Variants in CPEB3 observed in about 807,000 individuals in gnomAD.
The protein encoded by CPEB3 is cytoplasmic polyadenylation element-binding protein 3.
In CPEB3, 20 loss-of-function variants were observed where a neutral mutation model predicts 67.2. The observed-to-expected ratio is 0.30, with a 90% CI of 0.21 to 0.43. CPEB3 has a LOEUF of 0.43. Ranked by LOEUF, CPEB3 falls within the 20% of genes least tolerant of loss-of-function variation. The probability of loss-of-function intolerance (pLI) is 1.00; values close to 1 mark genes in which losing one functional copy is unlikely to be tolerated. For missense variants in CPEB3, 746 were observed against 968.6 expected, an observed-to-expected ratio of 0.77 and a Z score of 3.05; for synonymous variants, 376 against 393.1, an observed-to-expected ratio of 0.96 and a Z score of 0.51.
At chr10:92,164,905 A>T (rs1001025489) in intron 4 of CPEB3, among the ~76,000 whole-genome samples, 1 of 152,126 alleles carries the variant, frequency 6.6e-6, no homozygotes, top group Admixed American at 6.6e-5. Flanking sequence ...CTAACACAAC[A>T]CTATTGTTTT....
chr10:92,176,896 G>A (rs756455857), intron 4 of CPEB3, among the ~76,000 whole-genome samples: 3 of 152,186 alleles, frequency 2.0e-5, no homozygotes, highest in East Asian at 1.9e-4. Context: ...GGCCCAAGAC[G>A]GCTTTGAATG....
At chr10:92,284,420 G>T (rs1369860199) in intron 1 of CPEB3, among the ~76,000 whole-genome samples, 9 of 152,004 alleles carry the variant, frequency 5.9e-5, no homozygotes, top group Admixed American at 5.9e-4. Flanking sequence ...CCTTAAACTG[G>T]CCTACAAAGC....
intron 1 of CPEB3, among the ~76,000 whole-genome samples, chr10:92,278,927 A>AT (rs1459957202): frequency 1.7e-4 from 26 of 151,352 alleles, no homozygotes; most frequent in South Asian, 4.2e-4. Flanking sequence ...AGGTGTTTTT[A>AT]TTATTTTTTT....
chr10:92,217,323 G>A (rs538870646), intron 2 of CPEB3, among the ~76,000 whole-genome samples: 2 of 147,164 alleles, frequency 1.4e-5, no homozygotes, highest in East Asian at 2.0e-4. Context: ...ATGCACTAAT[G>A]ATATAAACCA....
intron 4 of CPEB3, among the ~76,000 whole-genome samples, chr10:92,173,194 C>A (rs1209304701): frequency 2.6e-5 from 4 of 152,170 alleles, no homozygotes; most frequent in African/African-American, 7.2e-5. Context: ...GGGGTGAATG[C>A]TGTAAATGTG....
intron 9 of CPEB3, among the ~76,000 whole-genome samples, chr10:92,066,623 A>C (rs1043303958): frequency 6.6e-6 from 1 of 152,156 alleles, no homozygotes; most frequent in African/African-American, 2.4e-5. Flanking sequence ...TCTTCTTGGC[A>C]TGTGTCATAC....
intron 6 of CPEB3, among the ~76,000 whole-genome samples, chr10:92,116,203 G>A (rs1845017805): frequency 6.7e-6 from 1 of 149,994 alleles, no homozygotes; most frequent in Non-Finnish European, 1.5e-5. Flanking sequence ...GCCACAGGAA[G>A]TAATCACTAT....
intron 9 of CPEB3, among the ~76,000 whole-genome samples, chr10:92,067,234 C>G (rs1657643824): frequency 6.6e-6 from 1 of 152,220 alleles, no homozygotes; most frequent in South Asian, 2.1e-4. Flanking sequence ...GGCGCAGTGG[C>G]ACACGCCTGT....
chr10:92,211,327 A>G (rs1318128084), intron 2 of CPEB3, among the ~76,000 whole-genome samples: 3 of 152,188 alleles, frequency 2.0e-5, no homozygotes, highest in Admixed American at 2.0e-4. Flanking sequence ...TTTGTAAATT[A>G]TAGATTATAT....
chr10:92,066,945 A>T lies in CPEB3; in HGVS notation c.1869+14375T>A, dbSNP rs374233792. On this transcript the variant is annotated intron_variant, in intron 9 of 9. Coordinates refer to ENST00000265997, the MANE Select transcript of CPEB3 (RefSeq NM_014912.5). ...GTGCCTGTAATCCCAGCTACTTGGG[A>T]GGCTGAGGCAGGAGAATTGCTTGAA... Among the ~76,000 whole-genome samples the T allele has an allele frequency of 4.1e-3, 628 of 152,098 alleles. 6 individuals carry two copies. Among genetic ancestry groups the T allele is most frequent in the Non-Finnish European group, 3.4e-3 (232 of 67,956 alleles).
chr10:92,135,708 A>G (rs1846058511), intron 6 of CPEB3, among the ~76,000 whole-genome samples: 1 of 152,234 alleles, frequency 6.6e-6, no homozygotes, highest in African/African-American at 2.4e-5. Flanking sequence ...AGACACATGC[A>G]TACGTATGTT....
At chr10:92,147,604 C>T (rs1846748020) in intron 4 of CPEB3, among the ~76,000 whole-genome samples, 1 of 152,186 alleles carries the variant, frequency 6.6e-6, no homozygotes, top group South Asian at 2.1e-4. Context: ...AAAGGAATCA[C>T]AGTCTGGTGG....
At chr10:92,251,333 CCTTT>C (rs1362685496) in intron 1 of CPEB3, among the ~76,000 whole-genome samples, 7 of 152,054 alleles carry the variant, frequency 4.6e-5, no homozygotes, top group Non-Finnish European at 8.8e-5. Flanking sequence ...TTCATGCTGT[CCTTT>C]CTTAGTTTTC....
intron 4 of CPEB3, among the ~76,000 whole-genome samples, chr10:92,168,396 T>C (rs953728301): frequency 6.6e-6 from 1 of 152,180 alleles, no homozygotes; most frequent in Non-Finnish European, 1.5e-5. Context: ...AAGTATGAGA[T>C]AAAAGAATAA....
At chr10:92,138,125 G>T in intron 6 of CPEB3, 1 of 171,282 alleles carries the variant, frequency 5.8e-6, no homozygotes, top group Admixed American at 5.9e-5. Flanking sequence ...GTTTTGTTCT[G>T]GCTCTCACAG....
intron 4 of CPEB3, among the ~76,000 whole-genome samples, chr10:92,159,926 A>C (rs1847386710): frequency 6.6e-6 from 1 of 151,110 alleles, no homozygotes; most frequent in African/African-American, 2.4e-5. Context: ...CTGTACTACA[A>C]ACCTCAATGA....
At chr10:92,204,836 CTTTTT>C (rs750482213) in intron 2 of CPEB3, among the ~76,000 whole-genome samples, 1,367 of 125,032 alleles carry the variant, frequency 0.011, 18 homozygotes, top group African/African-American at 0.04. Flanking sequence ...ATCTTAACCA[CTTTTT>C]TTTTTTTTTT....
Position 92,239,936 on chromosome 10 carries a change from A to G in CPEB3, c.415T>C (p.Phe139Leu). 6.2e-7 allele frequency: 1 copy of G among 1,613,302 alleles called. No individual in the cohort carries two copies. The highest frequency in any genetic ancestry group is 8.5e-7 in the Non-Finnish European group (1 of 1,179,672). Residue 139 changes from phenylalanine to leucine, a missense_variant, in exon 2 of 10, where the codon TTC becomes CTC. Physicochemically the swap from Phe to Leu is conservative, Grantham distance 22 (BLOSUM62 0). Around this residue, in one of 2 missense-constraint regions of CPEB3, gnomAD observed 643 missense variants for 717.5 expected, o/e 0.90. Coordinates refer to ENST00000265997, the MANE Select transcript of CPEB3 (RefSeq NM_014912.5). The surrounding 1 kb of genome is among the most constrained non-coding windows in gnomAD (Gnocchi z 6.0). Reference protein sequence around the residue: ...PVNGTMLFQNFPHHVNPVFGG... With the variant: ...PVNGTMLFQNLPHHVNPVFGG... The stretch of plus-strand genomic sequence containing the variant: ...AAGACTGGGTTGACATGGTGCGGGA[A>G]GTTCTGGAAGAGCATGGTCCCGTTG...
chr10:92,269,433 A>G (rs865791462), intron 1 of CPEB3, among the ~76,000 whole-genome samples: 36 of 152,182 alleles, frequency 2.4e-4, no homozygotes, highest in African/African-American at 8.4e-4. Flanking sequence ...AATATAGAGT[A>G]TTTTTATTAA....
Sources: gnomAD v4.1 joint callset for allele counts (sites outside exome capture counted in the v4.1 genomes callset) on GRCh38, gnomAD v4.1.1 for gene constraint, gnomAD v4.1.1 regional missense constraint, Gnocchi (gnomAD v3.1) non-coding constraint, MANE v1.5 for transcripts, NCBI Gene and HGNC (gene_info 2026-07-23, HGNC 2026-07-21) for gene names.